Variants in SPAG16 observed in about 807,000 individuals in gnomAD.
SPAG16 encodes sperm associated antigen 16.
SPAG16 carries 86 observed loss-of-function variants against 80.4 expected under a neutral mutation model. The observed-to-expected ratio is 1.07, with a 90% CI of 0.90 to 1.28. The LOEUF (loss-of-function observed/expected upper bound fraction) is 1.28, where lower values mean the gene tolerates loss of function less well. SPAG16 is among the 50% of genes most tolerant of loss of function. SPAG16 has a pLI of 0.00. For synonymous variants in SPAG16, 294 were observed against 265.9 expected (o/e 1.11, Z -1.03); for missense variants, 870 against 765.3 (o/e 1.14, Z -1.61).
chr2:214,153,753 G>A (rs189222265), intron 15 of SPAG16, among the ~76,000 whole-genome samples: 1 of 152,012 alleles, frequency 6.6e-6, no homozygotes, highest in Non-Finnish European at 1.5e-5. Context: ...TGCTTAATCA[G>A]TAAAGTTATA....
chr2:213,644,666 G>A (rs188688451), intron 10 of SPAG16, among the ~76,000 whole-genome samples: 154 of 152,294 alleles, frequency 1.0e-3, no homozygotes, highest in African/African-American at 3.5e-3. Flanking sequence ...AGACACTCTT[G>A]TTCTCTTCCC....
intron 13 of SPAG16, among the ~76,000 whole-genome samples, chr2:214,044,311 T>G (rs1400895643): frequency 6.6e-6 from 1 of 152,236 alleles, no homozygotes; most frequent in Non-Finnish European, 1.5e-5. Flanking sequence ...ATAAATGTCA[T>G]GTTCATCTTT....
At chr2:213,731,176 G>A (rs1946417) in intron 10 of SPAG16, among the ~76,000 whole-genome samples, 113,363 of 130,156 alleles carry the variant, frequency 0.87, 50,506 homozygotes, top group East Asian at 0.99. Flanking sequence ...TTTTTTTTGA[G>A]TTGGAGTTTT....
chr2:213,541,813 A>G (rs1195013057), intron 10 of SPAG16, among the ~76,000 whole-genome samples: 1 of 152,170 alleles, frequency 6.6e-6, no homozygotes, highest in African/African-American at 2.4e-5. Flanking sequence ...TCCCTTGTCT[A>G]TAGAAAGAAA....
At chr2:213,853,807 T>TA (rs2075025967) in intron 10 of SPAG16, among the ~76,000 whole-genome samples, 1 of 152,194 alleles carries the variant, frequency 6.6e-6, no homozygotes, top group South Asian at 2.1e-4. Flanking sequence ...TATTCTTATT[T>TA]ATTAGAACTT....
In SPAG16 at chr2:213,720,881, G is replaced by T. The variant is rs540725934; in HGVS notation, c.1071-141604G>T. Among the ~76,000 whole-genome samples the T allele has an allele frequency of 3.8e-3, 571 of 149,950 alleles. 7 individuals are homozygous for T. Among genetic ancestry groups the T allele is most frequent in the African/African-American group, 0.013 (538 of 40,908 alleles). On this transcript the variant is annotated intron_variant, in intron 10 of 15. Coordinates refer to ENST00000331683, the MANE Select transcript of SPAG16 (RefSeq NM_024532.5). The stretch of plus-strand genomic sequence containing the variant: ...CTGCCTCAGTCTCCCAGTTAGCTGG[G>T]ACTACAGTTGCCTGCCACCACGCCC...
At chr2:213,468,427 A>G (rs1373296844) in intron 9 of SPAG16, among the ~76,000 whole-genome samples, 3 of 144,106 alleles carry the variant, frequency 2.1e-5, no homozygotes, top group Non-Finnish European at 4.5e-5. Context: ...ACAGATATAT[A>G]TATATCTATG....
intron 13 of SPAG16, among the ~76,000 whole-genome samples, chr2:214,052,313 T>C (rs528080443): frequency 1.3e-5 from 2 of 152,344 alleles, no homozygotes; most frequent in Admixed American, 1.3e-4. Flanking sequence ...CGACCTTCTT[T>C]GTAGCAAAAG....
chr2:214,374,726 A>G (rs958397418), intron 15 of SPAG16, among the ~76,000 whole-genome samples: 5 of 152,226 alleles, frequency 3.3e-5, no homozygotes, highest in Non-Finnish European at 5.9e-5. Flanking sequence ...TAATCATTAT[A>G]TGAAATAGAA....
At chr2:214,016,268 G>A (rs922430998) in intron 13 of SPAG16, among the ~76,000 whole-genome samples, 1 of 152,152 alleles carries the variant, frequency 6.6e-6, no homozygotes, top group Non-Finnish European at 1.5e-5. Context: ...ACAGCATGGT[G>A]AAAAGTGAAT....
At chr2:213,935,485 T>C (rs998590049) in intron 12 of SPAG16, among the ~76,000 whole-genome samples, 8 of 152,178 alleles carry the variant, frequency 5.3e-5, no homozygotes, top group African/African-American at 1.4e-4. Context: ...CCCATCTTTA[T>C]TGTCTATCGC....
intron 9 of SPAG16, among the ~76,000 whole-genome samples, chr2:213,398,167 TG>T (rs1320902175): frequency 6.8e-6 from 1 of 146,974 alleles, no homozygotes; most frequent in East Asian, 1.9e-4. Context: ...TTTTGCTCTC[TG>T]TTTTTTTTTT....
chr2:214,350,490 T>G (rs1246874913), intron 15 of SPAG16, among the ~76,000 whole-genome samples: 1 of 152,218 alleles, frequency 6.6e-6, no homozygotes, highest in Non-Finnish European at 1.5e-5. Flanking sequence ...GTAGATAATA[T>G]ATCTTTTGAT....
chr2:214,305,317 G>T (rs1213123764), intron 15 of SPAG16, among the ~76,000 whole-genome samples: 1 of 152,028 alleles, frequency 6.6e-6, no homozygotes, highest in Non-Finnish European at 1.5e-5. Context: ...CCATTCTGTA[G>T]GTTTTCTGTT....
intron 10 of SPAG16, among the ~76,000 whole-genome samples, chr2:213,679,973 C>G (rs148399334): frequency 3.3e-5 from 5 of 152,228 alleles, no homozygotes; most frequent in Non-Finnish European, 7.4e-5. Context: ...AATATTCACA[C>G]TAGATTGTAC....
intron 10 of SPAG16, among the ~76,000 whole-genome samples, chr2:213,502,649 T>C (rs369431870): frequency 6.6e-5 from 10 of 152,328 alleles, no homozygotes; most frequent in Non-Finnish European, 1.0e-4. Flanking sequence ...ACAATGAACA[T>C]TTTTTGAAAA....
Position 213,865,675 on chromosome 2 carries a change from A to G in SPAG16, c.1214+3047A>G, listed in dbSNP as rs1436774601. On this transcript the variant is annotated intron_variant, in intron 11 of 15. Coordinates refer to ENST00000331683, the MANE Select transcript of SPAG16 (RefSeq NM_024532.5). ...CCTATGAAAACTTCTGAACTTATAT[A>G]TATATAAAATATATAAACATTTGTA... Among the ~76,000 whole-genome samples the G allele has an allele frequency of 2.0e-5, 3 of 147,988 alleles. No homozygotes were observed. The South Asian group carries it at 6.2e-4, about 31-fold the overall frequency.
At chr2:213,305,144 G>C (rs1428552838) in intron 3 of SPAG16, among the ~76,000 whole-genome samples, 1 of 152,040 alleles carries the variant, frequency 6.6e-6, no homozygotes, top group Admixed American at 6.6e-5. Context: ...TTGTAAATGT[G>C]TTTTCTTTCT....
rs536528043 is a variant in SPAG16 at position 214,084,196 on chromosome 2, T to C, written c.1528-24000T>C. Among the ~76,000 whole-genome samples the C allele has an allele frequency of 3.3e-5, 5 of 152,302 alleles. No individual in the cohort carries two copies. The South Asian group carries it at 1.0e-3, about 32-fold the overall frequency. On this transcript the variant is annotated intron_variant, in intron 13 of 15. Coordinates refer to ENST00000331683, the MANE Select transcript of SPAG16 (RefSeq NM_024532.5). ...AAGGGAAAGATTGAGATTCTCAGTCTCTCCCCTCTCTAAGACTTCATTTCA... is the reference window on the plus strand; with the variant it reads ...AAGGGAAAGATTGAGATTCTCAGTCCCTCCCCTCTCTAAGACTTCATTTCA...
Sources: allele counts gnomAD v4.1 joint callset (sites outside exome capture counted in the v4.1 genomes callset), GRCh38; gene constraint gnomAD v4.1.1; transcripts MANE v1.5; gene names NCBI Gene and HGNC (gene_info 2026-07-23, HGNC 2026-07-21).